Variants in SPTBN2 observed in about 807,000 individuals in gnomAD.
The protein encoded by SPTBN2 is spectrin beta, non-erythrocytic 2.
Under a neutral mutation model 284.2 loss-of-function variants are expected in SPTBN2, and 107 were observed. The ratio of observed to expected loss-of-function variants is 0.38; its 90% CI spans 0.32 to 0.44. The LOEUF (loss-of-function observed/expected upper bound fraction) is 0.44. Ranked by LOEUF, SPTBN2 falls within the 20% of genes least tolerant of loss-of-function variation. The pLI is 1.00. For missense variants in SPTBN2, 2,569 were observed against 3,287.1 expected, an observed-to-expected ratio of 0.78 and a Z score of 5.34; for synonymous variants, 1,289 against 1,354.8, an observed-to-expected ratio of 0.95 and a Z score of 1.07.
intron 15 of SPTBN2, among the ~76,000 whole-genome samples, chr11:66,703,013 G>A (rs917642936): frequency 6.6e-6 from 1 of 151,360 alleles, no homozygotes; most frequent in Non-Finnish European, 1.5e-5. Context: ...TTGGCCCAAG[G>A]GTTGCAGTTT....
At chr11:66,743,423 G>A (rs1591000511) in intron 1 of SPTBN2, among the ~76,000 whole-genome samples, 1 of 152,200 alleles carries the variant, frequency 6.6e-6, no homozygotes, top group Non-Finnish European at 1.5e-5. Context: ...CAATCCTGGC[G>A]TCTTGGAGCT....
chr11:66,715,044 C>T lies in SPTBN2; in HGVS notation c.483+178G>A, dbSNP rs1942073491. ...TGACATTCACCCAAGCTGGTTTCTA[C>T]CCTGCTGAAAGAGGGGAGTCCACTG... is the stretch of plus-strand genomic sequence containing the variant. On this transcript the variant is annotated intron_variant, in intron 5 of 37. Transcript: ENST00000533211. This position sits in a 1 kb window ranked among gnomAD's most constrained non-coding sequence, Gnocchi z 5.3. 6.6e-6 allele frequency among the ~76,000 whole-genome samples: 1 copy of T among 152,198 alleles called. No individual in the cohort carries two copies.
upstream of SPTBN2, among the ~76,000 whole-genome samples, chr11:66,733,964 G>A (rs555305022): frequency 9.3e-4 from 121 of 129,474 alleles, 1 homozygote; most frequent in African/African-American, 3.4e-3. Flanking sequence ...TGGCCTGGGC[G>A]ACAGAGAGAG....
At chr11:66,716,340 G>A (rs568246552) in intron 3 of SPTBN2, among the ~76,000 whole-genome samples, 5 of 152,096 alleles carry the variant, frequency 3.3e-5, no homozygotes, top group Admixed American at 2.6e-4. Context: ...AAAATTAGCC[G>A]GGCATAGTGG....
Position 66,685,739 on chromosome 11 carries a change from CTGGTGATGGGTTGACCT to C in SPTBN2, c.*115_*131del. On this transcript the variant is annotated 3_prime_UTR_variant, in exon 38 of 38. Transcript: ENST00000533211. This position sits in a 1 kb window ranked among gnomAD's most constrained non-coding sequence, Gnocchi z 4.4. ...ATGGACTCGTCCCCAGTGACAGTTC[CTGGTGATGGGTTGACCT>C]TGGCAACAGACCCTAGCAGCAGGCA... 2 of 822,156 alleles carry C rather than the reference CTGGTGATGGGTTGACCT, an allele frequency of 2.4e-6. No individual in the cohort carries two copies. The highest frequency in any genetic ancestry group is 2.8e-5 in the South Asian group (2 of 70,262). 50.9% of individuals were successfully genotyped at this position (822,156 alleles called of 1,614,324 possible).
intron 1 of SPTBN2, among the ~76,000 whole-genome samples, chr11:66,723,825 G>A (rs767420728): frequency 1.3e-5 from 2 of 152,128 alleles, no homozygotes; most frequent in South Asian, 2.1e-4. Context: ...CTGAACTAGC[G>A]TCACCTAATA....
chr11:66,718,896 CCGGCGGGGGCAGGGCCAGGCCCTGCGGGG>C lies in SPTBN2; in HGVS notation c.157+2159_157+2187del, dbSNP rs1437784461. Among the ~76,000 whole-genome samples, 2 of 152,234 alleles carry C rather than the reference CCGGCGGGGGCAGGGCCAGGCCCTGCGGGG, an allele frequency of 1.3e-5. No individual in the cohort carries two copies. Among genetic ancestry groups the C allele is most frequent in the Non-Finnish European group, 2.9e-5 (2 of 68,042 alleles). On this transcript the variant is annotated intron_variant, in intron 3 of 37. Coordinates refer to ENST00000533211, the MANE Select transcript of SPTBN2 (RefSeq NM_006946.4). This position sits in a 1 kb window ranked among gnomAD's most constrained non-coding sequence, Gnocchi z 4.8. ...GGGAGGGGAGAGAGGCGGAGTGTGG[CCGGCGGGGGCAGGGCCAGGCCCTGCGGGG>C]CGGCGGAGGAGGGCACTGCCAGCGC...
intron 7 of SPTBN2, 78 bp downstream of exon 7, chr11:66,714,013 T>C (rs917783810): frequency 7.0e-7 from 1 of 1,434,722 alleles, no homozygotes; most frequent in African/African-American, 1.4e-5. Context: ...GCTCATCTCA[T>C]CTCTGTCTCC....
intron 27 of SPTBN2, 136 bp from the exon 28 acceptor site, chr11:66,690,419 G>T: frequency 7.8e-7 from 1 of 1,283,018 alleles, no homozygotes; most frequent in Non-Finnish European, 1.0e-6. Flanking sequence ...GGGAGTGGGG[G>T]TGCTGGGAAA....
intron 1 of SPTBN2, chr11:66,744,446 G>A (rs1174240033): frequency 1.2e-5 from 2 of 161,228 alleles, no homozygotes; most frequent in Admixed American, 6.4e-5. Flanking sequence ...GGCGGCCAAA[G>A]CCCGGATTAG....
rs542758880 is a variant in SPTBN2 at position 66,692,642 on chromosome 11, C to T, written c.5084G>A (p.Arg1695Gln). ...CAGCTCGCGGCGGAGCTGGCACAGC[C>T]GGAGGTGCTCCTGCAGGCGCTCCCG... ...ERRERLQEHL[R>Q]LCQLRRELDD... The change falls in exon 26 of 38, where the codon CGG becomes CAG. Residue 1695 changes from arginine to glutamine, a missense_variant. Transcript: ENST00000533211. 2.9e-5 allele frequency: 46 copies of T among 1,605,390 alleles called. No individual in the cohort carries two copies. Among genetic ancestry groups the T allele is most frequent in the South Asian group, 1.2e-4 (11 of 91,078 alleles).
intron 8 of SPTBN2, chr11:66,713,085 G>A (rs1941959847): frequency 6.3e-6 from 1 of 158,200 alleles, no homozygotes; most frequent in African/African-American, 2.4e-5. Flanking sequence ...AAGACATGAG[G>A]AAACTGAGCC....
intron 16 of SPTBN2, 50 bp downstream of exon 16, chr11:66,701,534 C>CAT: frequency 5.0e-6 from 8 of 1,614,030 alleles, no homozygotes; most frequent in Non-Finnish European, 5.9e-6. Flanking sequence ...CTGCCATCCC[C>CAT]ATTGCTTCAT....
chr11:66,698,043 T>C (rs546726496), intron 20 of SPTBN2, among the ~76,000 whole-genome samples: 10 of 152,254 alleles, frequency 6.6e-5, no homozygotes, highest in African/African-American at 2.2e-4. Context: ...TGAGCAGATA[T>C]AAAGCTTTAT....
chr11:66,701,030 A>G lies in SPTBN2; in HGVS notation c.3069T>C (p.Asn1023=). ...ARVGELTREA[N]ALAAGHPAQA... Reference sequence around the variant, plus strand: ...GAGCGGGATGGCCGGCAGCCAGGGCATTTGCCTCTCGAGTCAGTTCGCCCA... The same window carrying G: ...GAGCGGGATGGCCGGCAGCCAGGGCGTTTGCCTCTCGAGTCAGTTCGCCCA... Residue 1023 remains asparagine, a synonymous_variant, in exon 17 of 38, where the codon AAT becomes AAC. Transcript: ENST00000533211. The G allele has an allele frequency of 1.2e-6, 2 of 1,608,844 alleles. No homozygotes were observed. The highest frequency in any genetic ancestry group is 8.5e-7 in the Non-Finnish European group (1 of 1,179,794).
intron 21 of SPTBN2, among the ~76,000 whole-genome samples, chr11:66,695,657 A>T (rs935372704): frequency 5.3e-5 from 8 of 152,124 alleles, no homozygotes; most frequent in African/African-American, 1.9e-4. Context: ...AAGCCCCAAA[A>T]ATTTACTATC....
chr11:66,686,313 G>C (rs1002378061), intron 37 of SPTBN2, 85 bp downstream of exon 37: 13 of 1,570,042 alleles, frequency 8.3e-6, no homozygotes, highest in East Asian at 2.3e-5. Flanking sequence ...CCAGGAAAAA[G>C]AGGGAGGACA....
rs549470423 is a variant in SPTBN2 at position 66,716,479 on chromosome 11, C to CA, written c.158-499dup. On this transcript the variant is annotated intron_variant, in intron 3 of 37. Transcript: ENST00000533211. The stretch of plus-strand genomic sequence containing the variant: ...TGGGCGACAGAGCAAGACTCCGTCT[C>CA]AAAAAAAAAAAAGAAAAGAAAAGAA... Among the ~76,000 whole-genome samples the CA allele has an allele frequency of 2.4e-3, 270 of 110,292 alleles. 1 individual carries two copies. Among genetic ancestry groups the CA allele is most frequent in the South Asian group, 0.018 (67 of 3,654 alleles). 72.4% of individuals were successfully genotyped at this position (110,292 alleles called of 152,430 possible). A position where few individuals can be genotyped will look rare whatever the true frequency, so the allele number is the denominator to read the frequency against.
chr11:66,705,380 C>G lies in SPTBN2; in HGVS notation c.1896G>C (p.Ala632=). The G allele has an allele frequency of 1.9e-6, 3 of 1,612,756 alleles. No individual in the cohort carries two copies. Among genetic ancestry groups the G allele is most frequent in the Non-Finnish European group, 2.5e-6 (3 of 1,179,912 alleles). The change falls in exon 15 of 38, where the codon GCG becomes GCC. Residue 632 remains alanine, a synonymous_variant. Transcript: ENST00000533211. ...SYEALCELAA[A]RRARLEESRR... ...GTGATTCCTCCAGCCGGGCCCGCCG[C>G]GCCGCTGCCAACTCGCACAGTGCCT...
Sources: gnomAD v4.1 joint callset for allele counts (sites outside exome capture counted in the v4.1 genomes callset) on GRCh38, gnomAD v4.1.1 for gene constraint, Gnocchi (gnomAD v3.1) non-coding constraint, MANE v1.5 for transcripts, NCBI Gene and HGNC (gene_info 2026-07-23, HGNC 2026-07-21) for gene names.